CCDC30: variants seen among roughly 807,000 people sequenced by gnomAD.
The protein encoded by CCDC30 is coiled-coil domain-containing protein 30.
A neutral mutation model predicts 100.2 loss-of-function variants in CCDC30; 70 were observed. The observed-to-expected ratio is 0.70, with a 90% CI of 0.58 to 0.85. CCDC30 has a LOEUF of 0.85. Ranked by LOEUF, CCDC30 falls within the 40% of genes least tolerant of loss-of-function variation. The pLI, the probability that CCDC30 is intolerant of heterozygous loss-of-function variation, is 0.00. For synonymous variants in CCDC30, 233 were observed against 269.5 expected (o/e 0.86, Z 1.33); for missense variants, 652 against 771.2 (o/e 0.85, Z 1.83).
rs1646285086 is a variant in CCDC30, at chr1:42,596,261, T to G, written c.1164+6778T>G. On this transcript the variant is annotated intron_variant, in intron 10 of 16. Transcript: ENST00000668663. This position sits in a 1 kb window ranked among gnomAD's most constrained non-coding sequence, Gnocchi z 4.3. ...AGAAACTCCAGAGGGACCCAGTCAT[T>G]AGGGGACTTAGACACATTTGTGAGT... Among the ~76,000 whole-genome samples the G allele has an allele frequency of 1.3e-5, 2 of 152,270 alleles. No homozygotes were observed. Among genetic ancestry groups the G allele is most frequent in the South Asian group, 2.1e-4 (1 of 4,826 alleles).
downstream of CCDC30, chr1:42,654,327 A>G (rs571461963): frequency 3.7e-6 from 1 of 270,260 alleles, no homozygotes; most frequent in Admixed American, 5.0e-5. Context: ...TATCATGGGT[A>G]TCTTTTCTGA....
intron 6 of CCDC30, among the ~76,000 whole-genome samples, chr1:42,527,221 A>T (rs1165722395): frequency 6.6e-6 from 1 of 152,214 alleles, no homozygotes; most frequent in Admixed American, 6.5e-5. Flanking sequence ...ATAACTTTAC[A>T]GGGTAACTTA....
chr1:42,457,966 A>AC, the CCDC30 span, among the ~76,000 whole-genome samples: 12 of 151,744 alleles, frequency 7.9e-5, no homozygotes, highest in African/African-American at 2.4e-4. Context: ...AAAAAAAAAA[A>AC]AAAACACCAA....
the CCDC30 span, among the ~76,000 whole-genome samples, chr1:42,457,797 A>G: frequency 6.6e-6 from 1 of 152,176 alleles, no homozygotes; most frequent in East Asian, 1.9e-4. Context: ...TACTAAAAAA[A>G]TACAAAAATT....
intron 11 of CCDC30, among the ~76,000 whole-genome samples, chr1:42,629,856 C>T (rs933459314): frequency 3.3e-5 from 5 of 151,760 alleles, no homozygotes; most frequent in African/African-American, 1.2e-4. Flanking sequence ...CCTCGTGATC[C>T]GTCGGCCTCA....
At chr1:42,640,651 T>A (rs906099171) in intron 12 of CCDC30, among the ~76,000 whole-genome samples, 2 of 151,138 alleles carry the variant, frequency 1.3e-5, no homozygotes, top group Non-Finnish European at 3.0e-5. Flanking sequence ...TCTAGCACTT[T>A]GGGAGGCCGA....
chr1:42,647,508 T>C (rs981854852), intron 15 of CCDC30, among the ~76,000 whole-genome samples: 2 of 152,190 alleles, frequency 1.3e-5, no homozygotes, highest in African/African-American at 4.8e-5. Context: ...AACACCCAAC[T>C]CTCCATAATG....
intron 2 of CCDC30, among the ~76,000 whole-genome samples, chr1:42,482,222 C>CAA (rs11399996): frequency 0.01 from 1,281 of 127,396 alleles, 19 homozygotes; most frequent in African/African-American, 0.031. Context: ...GACTCCATCT[C>CAA]AAAAAAAAAA....
intron 9 of CCDC30, among the ~76,000 whole-genome samples, chr1:42,583,264 G>A (rs1279249009): frequency 6.6e-6 from 1 of 152,134 alleles, no homozygotes; most frequent in Non-Finnish European, 1.5e-5. Context: ...TAAATTTGAT[G>A]TTTGTTCTTG....
At chr1:42,471,286 G>C (rs1305812106) in intron 1 of CCDC30, among the ~76,000 whole-genome samples, 2 of 152,074 alleles carry the variant, frequency 1.3e-5, no homozygotes, top group Admixed American at 1.3e-4. Context: ...TCCAACCTTA[G>C]ACTCCCCTAC....
At chr1:42,594,144 A>G (rs998503035) in intron 10 of CCDC30, 1 of 152,220 alleles carries the variant, frequency 6.6e-6, no homozygotes, top group African/African-American at 2.4e-5. Context: ...ATCAGTATCT[A>G]TGATTATTTT....
In CCDC30 at chr1:42,587,086, C is replaced by T. The variant is rs374464005; in HGVS notation, c.1002-2235C>T. On this transcript the variant is annotated intron_variant, in intron 9 of 16. Transcript: ENST00000668663. ...GATCACAGTTCACTGCAGCCTTGAC[C>T]TCCCAGGCTCAAGCACTTCGCCCAC... Among the ~76,000 whole-genome samples, 3 of 152,292 alleles carry T rather than the reference C, an allele frequency of 2.0e-5. No homozygotes were observed. The East Asian group carries it at 5.8e-4, about 29-fold the overall frequency.
At chr1:42,520,417 C>T (rs1392036518) in intron 6 of CCDC30, among the ~76,000 whole-genome samples, 4 of 151,152 alleles carry the variant, frequency 2.6e-5, no homozygotes, top group African/African-American at 7.3e-5. Flanking sequence ...CTGCAACCTC[C>T]ACCTCCCAGA....
At chr1:42,567,334 G>A (rs954393808) in intron 7 of CCDC30, among the ~76,000 whole-genome samples, 5 of 152,168 alleles carry the variant, frequency 3.3e-5, no homozygotes, top group African/African-American at 4.8e-5. Context: ...GAAACCATAT[G>A]ACCCACAAAG....
chr1:42,488,881 G>T (rs1051978220), intron 3 of CCDC30, among the ~76,000 whole-genome samples: 1 of 152,160 alleles, frequency 6.6e-6, no homozygotes, highest in Non-Finnish European at 1.5e-5. Flanking sequence ...AGCAAATAAG[G>T]TCTTTCTGGT....
At chr1:42,551,071 G>A (rs1239713721) in intron 6 of CCDC30, among the ~76,000 whole-genome samples, 2 of 152,160 alleles carry the variant, frequency 1.3e-5, no homozygotes, top group African/African-American at 4.8e-5. Flanking sequence ...GTGCTGCCTT[G>A]CAGGTTTTCA....
intron 9 of CCDC30, among the ~76,000 whole-genome samples, chr1:42,581,880 G>A (rs1360493878): frequency 6.6e-6 from 1 of 151,962 alleles, no homozygotes; most frequent in Non-Finnish European, 1.5e-5. Context: ...TATTCTGTAC[G>A]AGGGGACTTC....
chr1:42,537,153 C>CT (rs1644920794), intron 6 of CCDC30: 2 of 455,070 alleles, frequency 4.4e-6, no homozygotes, highest in East Asian at 1.4e-4. Context: ...GCAAAGAGTC[C>CT]TTTATTTAGC....
At chr1:42,509,428 G>T (rs1644443710) in intron 6 of CCDC30, among the ~76,000 whole-genome samples, 1 of 152,126 alleles carries the variant, frequency 6.6e-6, no homozygotes, top group Admixed American at 6.5e-5. Context: ...CCCCGCCCTT[G>T]ATAGATCAAC....
Sources: gnomAD v4.1 joint callset for allele counts (sites outside exome capture counted in the v4.1 genomes callset) on GRCh38, gnomAD v4.1.1 for gene constraint, Gnocchi (gnomAD v3.1) non-coding constraint, MANE v1.5 for transcripts, NCBI Gene and HGNC (gene_info 2026-07-23, HGNC 2026-07-21) for gene names.